METTL15: variants seen among roughly 807,000 people sequenced by gnomAD.
The protein encoded by METTL15 is methyltransferase 15, mitochondrial 12S rRNA N4-cytidine.
METTL15 carries 34 observed loss-of-function variants against 38.3 expected under a neutral mutation model. That is an observed-to-expected ratio of 0.89 (90% CI 0.68 to 1.18). The LOEUF (loss-of-function observed/expected upper bound fraction) is 1.18, where lower values mean the gene tolerates loss of function less well. Among genes scored for constraint, METTL15 ranks in the 50% most tolerant of loss-of-function variants. The pLI is 0.00. For synonymous variants in METTL15, 162 were observed against 170.9 expected (o/e 0.95, Z 0.41); for missense variants, 438 against 498.4 (o/e 0.88, Z 1.15).
At chr11:28,355,705 C>T (rs1276893755) in intron 4 of METTL15, among the ~76,000 whole-genome samples, 2 of 151,898 alleles carry the variant, frequency 1.3e-5, no homozygotes, top group Non-Finnish European at 2.9e-5. Context: ...TGCAGTATTA[C>T]ATTATTTAAT....
chr11:28,131,681 A>AT (rs1849342898), intron 3 of METTL15, among the ~76,000 whole-genome samples: 1 of 152,152 alleles, frequency 6.6e-6, no homozygotes, highest in Non-Finnish European at 1.5e-5. Flanking sequence ...ATGCATTGGA[A>AT]TCAGTGAAGA....
intron 3 of METTL15, among the ~76,000 whole-genome samples, chr11:28,160,493 C>T (rs1011563374): frequency 6.6e-5 from 10 of 152,060 alleles, no homozygotes; most frequent in African/African-American, 2.4e-4. Flanking sequence ...TTAATTTCTT[C>T]AAGAATGATT....
chr11:28,436,900 G>A (rs1850987128), intron 6 of METTL15, among the ~76,000 whole-genome samples: 1 of 152,164 alleles, frequency 6.6e-6, no homozygotes, highest in Admixed American at 6.5e-5. Flanking sequence ...ACTGGGAGAG[G>A]CAGACCCATC....
intron 5 of METTL15, among the ~76,000 whole-genome samples, chr11:28,367,266 C>G (rs1490539776): frequency 1.3e-5 from 2 of 148,386 alleles, no homozygotes; most frequent in Non-Finnish European, 3.0e-5. Flanking sequence ...AGTACACAGA[C>G]AGATACTGCA....
At chr11:28,427,877 AC>A (rs1245882329) in intron 6 of METTL15, among the ~76,000 whole-genome samples, 2 of 152,148 alleles carry the variant, frequency 1.3e-5, no homozygotes, top group Admixed American at 1.3e-4. Context: ...AGATAGTTTG[AC>A]TTCCTGTCTT....
At chr11:28,298,561 A>T (rs1214108167) in intron 6 of METTL15, among the ~76,000 whole-genome samples, 2 of 152,086 alleles carry the variant, frequency 1.3e-5, no homozygotes, top group African/African-American at 4.8e-5. Context: ...TACTTTGTAA[A>T]CTTGCGGAAA....
chr11:28,340,891 A>G (rs1242366993), intron 3 of METTL15, among the ~76,000 whole-genome samples: 1 of 152,200 alleles, frequency 6.6e-6, no homozygotes, highest in Non-Finnish European at 1.5e-5. Context: ...TTGCAGCACT[A>G]TTCACAATAG....
At chr11:28,317,252 C>T (rs1857512703) in intron 6 of METTL15, among the ~76,000 whole-genome samples, 1 of 152,048 alleles carries the variant, frequency 6.6e-6, no homozygotes, top group Non-Finnish European at 1.5e-5. Context: ...AAAAGAACCT[C>T]ACTGAGTAAA....
intron 6 of METTL15, among the ~76,000 whole-genome samples, chr11:28,458,519 A>G (rs2133453514): frequency 6.6e-6 from 1 of 152,228 alleles, no homozygotes; most frequent in Non-Finnish European, 1.5e-5. Context: ...CTGCTCTGAG[A>G]GATAATAATG....
At chr11:28,238,862 C>T (rs1460374852) in intron 4 of METTL15, among the ~76,000 whole-genome samples, 2 of 152,304 alleles carry the variant, frequency 1.3e-5, no homozygotes, top group South Asian at 2.1e-4. Context: ...ATGCCAAATT[C>T]AGTGGTTAGT....
At chr11:28,406,541 C>A (rs1850675525) in intron 5 of METTL15, among the ~76,000 whole-genome samples, 1 of 152,000 alleles carries the variant, frequency 6.6e-6, no homozygotes, top group Admixed American at 6.6e-5. Flanking sequence ...TGCACATGTA[C>A]CCTAGAACTT....
chr11:28,164,455 A>T (rs958115092), intron 3 of METTL15, among the ~76,000 whole-genome samples: 3 of 152,038 alleles, frequency 2.0e-5, no homozygotes, highest in Admixed American at 1.3e-4. Context: ...CATAATTTAT[A>T]GGTTTTTCCC....
chr11:28,323,555 C>T (rs1336549327), intron 6 of METTL15, among the ~76,000 whole-genome samples: 3 of 152,024 alleles, frequency 2.0e-5, no homozygotes, highest in African/African-American at 7.3e-5. Context: ...AAGTACAGGT[C>T]AAAGGACTTA....
chr11:28,239,456 A>C (rs1242172270), intron 4 of METTL15, among the ~76,000 whole-genome samples: 1 of 152,014 alleles, frequency 6.6e-6, no homozygotes, highest in Admixed American at 6.5e-5. Context: ...TAGCATTACC[A>C]CCCTGGTCCA....
chr11:28,204,437 T>A (rs991458709), intron 3 of METTL15, among the ~76,000 whole-genome samples: 3 of 76,394 alleles, frequency 3.9e-5, no homozygotes, highest in African/African-American at 3.0e-4. Flanking sequence ...GAGTTTTCCT[T>A]TTTTTTTTTT....
intron 3 of METTL15, among the ~76,000 whole-genome samples, chr11:28,137,909 C>T (rs1849568082): frequency 6.6e-6 from 1 of 151,712 alleles, no homozygotes; most frequent in Non-Finnish European, 1.5e-5. Flanking sequence ...CAGACACAGA[C>T]AGAAGAAGAT....
intron 6 of METTL15, among the ~76,000 whole-genome samples, chr11:28,492,432 G>A (rs371743048): frequency 6.6e-6 from 1 of 152,030 alleles, no homozygotes; most frequent in East Asian, 1.9e-4. Flanking sequence ...CCTGTGGGGG[G>A]TGGTAAGTGC....
chr11:28,420,539 A>T (rs909415032), intron 5 of METTL15, among the ~76,000 whole-genome samples: 2 of 152,188 alleles, frequency 1.3e-5, no homozygotes, highest in African/African-American at 4.8e-5. Context: ...CCACAATGGA[A>T]TAAAACTAGC....
At chr11:28,163,086 C>G (rs1445848313) in intron 3 of METTL15, among the ~76,000 whole-genome samples, 1 of 151,654 alleles carries the variant, frequency 6.6e-6, no homozygotes, top group African/African-American at 2.4e-5. Context: ...TTGAAAATAC[C>G]AAATGCAATG....
Sources: allele counts gnomAD v4.1 joint callset (sites outside exome capture counted in the v4.1 genomes callset), GRCh38; gene constraint gnomAD v4.1.1; transcripts MANE v1.5; gene names NCBI Gene and HGNC (gene_info 2026-07-23, HGNC 2026-07-21).